The following ST6GAL1 variants were observed in gnomAD, a reference collection of about 807,000 sequenced individuals.
ST6GAL1 encodes the protein ST6 beta-galactoside alpha-2,6-sialyltransferase 1.
In ST6GAL1, 20 loss-of-function variants were observed where a neutral mutation model predicts 38.0. The observed-to-expected ratio is 0.53, with a 90% CI of 0.37 to 0.77. The LOEUF (loss-of-function observed/expected upper bound fraction) is 0.77, where lower values mean the gene tolerates loss of function less well. Among genes scored for constraint, ST6GAL1 ranks in the 30% least tolerant of loss-of-function variants. The pLI is 0.00. For synonymous variants in ST6GAL1, 196 were observed against 188.2 expected (o/e 1.04, Z -0.34); for missense variants, 432 against 496.4 (o/e 0.87, Z 1.23).
In ST6GAL1 at chr3:187,051,277, T is replaced by TG; in HGVS notation, c.640dup (p.Ala214GlyfsTer38). 6 of 1,614,136 alleles carry TG rather than the reference T, an allele frequency of 3.7e-6. No homozygotes were observed. Among genetic ancestry groups the TG allele is most frequent in the Non-Finnish European group, 5.1e-6 (6 of 1,180,018 alleles). On this transcript the variant is annotated frameshift_variant, in exon 5 of 8. Coordinates refer to ENST00000169298, the MANE Select transcript of ST6GAL1 (RefSeq NM_173216.2). LOFTEE classifies it high-confidence loss of function. ...ATCATGACGCAGTCCTGAGGTTTAA[T>TG]GGGGCACCCACAGCCAACTTCCAAC...
At chr3:187,055,620 G>A (rs1025266605) in intron 5 of ST6GAL1, among the ~76,000 whole-genome samples, 1 of 152,194 alleles carries the variant, frequency 6.6e-6, no homozygotes, top group Non-Finnish European at 1.5e-5. Flanking sequence ...GCAGTTTTGA[G>A]TGAGTTTCTT....
chr3:187,003,963 A>C (rs762794371), intron 2 of ST6GAL1, among the ~76,000 whole-genome samples: 1 of 152,182 alleles, frequency 6.6e-6, no homozygotes, highest in Admixed American at 6.5e-5. Context: ...TGTCCCCACC[A>C]AATCTCATGT....
chr3:187,075,821 T>C lies in ST6GAL1; in HGVS notation c.*18T>C, dbSNP rs1719541756. The C allele has an allele frequency of 6.2e-7, 1 of 1,612,736 alleles. No individual in the cohort carries two copies. The highest frequency in any genetic ancestry group is 8.5e-7 in the Non-Finnish European group (1 of 1,179,018). On this transcript the variant is annotated 3_prime_UTR_variant, in exon 8 of 8. Coordinates refer to ENST00000169298, the MANE Select transcript of ST6GAL1 (RefSeq NM_173216.2). This position sits in a 1 kb window ranked among gnomAD's most constrained non-coding sequence, Gnocchi z 4.1. The stretch of plus-strand genomic sequence containing the variant: ...ACTGCTAAGCACAGGCTCCTCACTC[T>C]TCTCCATCAGGCATTAAATGAATGG...
At chr3:186,949,476 C>CT (rs371401718) in intron 1 of ST6GAL1, among the ~76,000 whole-genome samples, 2 of 152,096 alleles carry the variant, frequency 1.3e-5, no homozygotes, top group African/African-American at 2.4e-5. Flanking sequence ...TCCTTTTTTG[C>CT]TTTTCACAAT....
At chr3:187,009,111 CCT>C (rs1203468419) in intron 2 of ST6GAL1, among the ~76,000 whole-genome samples, 2 of 149,576 alleles carry the variant, frequency 1.3e-5, no homozygotes, top group African/African-American at 4.9e-5. Flanking sequence ...CCTTACCTCC[CCT>C]CTTTCTTCCT....
chr3:186,964,322 T>G (rs1715026809), intron 2 of ST6GAL1: 2 of 152,320 alleles, frequency 1.3e-5, no homozygotes, highest in Admixed American at 1.3e-4. Context: ...TCTCTCTCTT[T>G]CAACCCAAGG....
At chr3:187,072,489 TTA>T (rs1052834377) in intron 5 of ST6GAL1, 2 of 335,714 alleles carry the variant, frequency 6.0e-6, no homozygotes, top group African/African-American at 4.3e-5. Flanking sequence ...ATAATTTTGA[TTA>T]TATGAGTCCC....
intron 2 of ST6GAL1, among the ~76,000 whole-genome samples, chr3:187,018,608 C>T (rs1460720462): frequency 6.6e-6 from 1 of 152,148 alleles, no homozygotes; most frequent in East Asian, 1.9e-4. Context: ...CTTCTGCCTG[C>T]TTTTTATTCT....
intron 2 of ST6GAL1, among the ~76,000 whole-genome samples, chr3:187,028,036 C>T (rs777259017): frequency 1.3e-5 from 2 of 152,142 alleles, no homozygotes; most frequent in African/African-American, 2.4e-5. Flanking sequence ...GTCCTTGTGA[C>T]TCTGACAAGA....
At chr3:187,034,745 G>T (rs901483096) in intron 2 of ST6GAL1, among the ~76,000 whole-genome samples, 1 of 152,010 alleles carries the variant, frequency 6.6e-6, no homozygotes, top group Admixed American at 6.6e-5. Context: ...GGCATCAAAG[G>T]CACATACCTC....
At chr3:186,969,241 C>T (rs557794499) in intron 2 of ST6GAL1, among the ~76,000 whole-genome samples, 203 of 151,988 alleles carry the variant, frequency 1.3e-3, no homozygotes, top group Non-Finnish European at 2.2e-3. Flanking sequence ...TTAGTAGAGA[C>T]GGGGTTTCAC....
chr3:187,038,752 A>T lies in ST6GAL1; in HGVS notation c.-172A>T, dbSNP rs1373687675. The T allele has an allele frequency of 6.6e-6, 1 of 152,116 alleles. No individual in the cohort carries two copies. Among genetic ancestry groups the T allele is most frequent in the African/African-American group, 2.4e-5 (1 of 41,386 alleles). The allele number at this position is 152,116 out of a possible 1,614,324, so 9.4% of individuals were successfully genotyped here. A position where few individuals can be genotyped will look rare whatever the true frequency, so the allele number is the denominator to read the frequency against. On this transcript the variant is annotated 5_prime_UTR_variant, in exon 3 of 8. Transcript: ENST00000169298. ...TTTTTGCCTTTGCAGATGAGTTTTG[A>T]TCATCCTGAGAAAAATGGGCCTTGG...
chr3:187,063,071 A>G (rs1357917338), intron 5 of ST6GAL1, among the ~76,000 whole-genome samples: 1 of 152,254 alleles, frequency 6.6e-6, no homozygotes, highest in Non-Finnish European at 1.5e-5. Flanking sequence ...TAAGCTGAAT[A>G]CTTAAAGTTG....
chr3:187,044,238 G>A (rs1040862165), intron 4 of ST6GAL1, among the ~76,000 whole-genome samples: 4 of 152,226 alleles, frequency 2.6e-5, no homozygotes, highest in Non-Finnish European at 4.4e-5. Flanking sequence ...TATGCTGAAT[G>A]TGTTTTCCAT....
intron 5 of ST6GAL1, among the ~76,000 whole-genome samples, chr3:187,055,214 G>A (rs1306467901): frequency 2.0e-4 from 29 of 142,354 alleles, no homozygotes; most frequent in African/African-American, 5.5e-4. Flanking sequence ...TCTTGCTAGC[G>A]GTTTATCAAT....
In ST6GAL1 at chr3:187,075,358, A is replaced by G. The variant is rs901476804; in HGVS notation, c.980-204A>G. On this transcript the variant is annotated intron_variant, in intron 7 of 7. Coordinates refer to ENST00000169298, the MANE Select transcript of ST6GAL1 (RefSeq NM_173216.2). This position sits in a 1 kb window ranked among gnomAD's most constrained non-coding sequence, Gnocchi z 4.1. ...CTAGGTGCTGGGGATTCAAAGGTGTATAACCCTCACACAGCCCTGCATCCT... is the reference window on the plus strand; with the variant it reads ...CTAGGTGCTGGGGATTCAAAGGTGTGTAACCCTCACACAGCCCTGCATCCT... Among the ~76,000 whole-genome samples, 3 of 152,200 alleles carry G rather than the reference A, an allele frequency of 2.0e-5. No individual in the cohort carries two copies. Among genetic ancestry groups the G allele is most frequent in the Non-Finnish European group, 4.4e-5 (3 of 68,038 alleles).
At chr3:186,955,588 C>T (rs1281429744) in intron 1 of ST6GAL1, among the ~76,000 whole-genome samples, 2 of 152,036 alleles carry the variant, frequency 1.3e-5, no homozygotes, top group Non-Finnish European at 2.9e-5. Flanking sequence ...TTGCAACCTC[C>T]ACCTCCCGGG....
chr3:186,970,757 G>A (rs1442258532), intron 2 of ST6GAL1, among the ~76,000 whole-genome samples: 4 of 151,940 alleles, frequency 2.6e-5, no homozygotes, highest in Admixed American at 1.3e-4. Flanking sequence ...TTAAATTACC[G>A]AATAGTATTC....
chr3:187,014,800 A>G, intron 2 of ST6GAL1, among the ~76,000 whole-genome samples: 1 of 152,226 alleles, frequency 6.6e-6, no homozygotes, highest in Non-Finnish European at 1.5e-5. Flanking sequence ...CCAATTCTCA[A>G]ATCAACATCC....
Sources: allele counts gnomAD v4.1 joint callset (sites outside exome capture counted in the v4.1 genomes callset), GRCh38; gene constraint gnomAD v4.1.1; non-coding constraint Gnocchi (gnomAD v3.1); transcripts MANE v1.5; gene names NCBI Gene and HGNC (gene_info 2026-07-23, HGNC 2026-07-21).